Variants in CHN2 observed in about 807,000 individuals in gnomAD.
CHN2 encodes the protein beta-chimaerin.
A neutral mutation model predicts 56.3 loss-of-function variants in CHN2; 35 were observed. That is an observed-to-expected ratio of 0.62 (90% CI 0.47 to 0.82). The LOEUF is 0.82. Ranked by LOEUF, CHN2 falls within the 40% of genes least tolerant of loss-of-function variation. The pLI, the probability that CHN2 is intolerant of heterozygous loss-of-function variation, is 0.00. For synonymous variants in CHN2, 210 were observed against 212.8 expected, an observed-to-expected ratio of 0.99 and a Z score of 0.12; for missense variants, 491 against 580.5, an observed-to-expected ratio of 0.85 and a Z score of 1.58.
chr7:29,493,964 G>C (rs1018934529), intron 7 of CHN2, among the ~76,000 whole-genome samples: 2 of 152,202 alleles, frequency 1.3e-5, no homozygotes, highest in African/African-American at 4.8e-5. Flanking sequence ...TTAAGGCCCT[G>C]TGTAACTTTT....
chr7:29,294,632 C>G (rs1365701728), intron 1 of CHN2, among the ~76,000 whole-genome samples: 1 of 152,170 alleles, frequency 6.6e-6, no homozygotes, highest in East Asian at 1.9e-4. Context: ...AAGTGTAGAC[C>G]TGAGAGACTC....
intron 6 of CHN2, among the ~76,000 whole-genome samples, chr7:29,434,001 T>C (rs1354690211): frequency 6.6e-6 from 1 of 152,100 alleles, no homozygotes; most frequent in Non-Finnish European, 1.5e-5. Flanking sequence ...ACCGGTAGTG[T>C]GTCCTGGATG....
chr7:29,417,667 A>G (rs1468325202), intron 6 of CHN2, among the ~76,000 whole-genome samples: 1 of 152,198 alleles, frequency 6.6e-6, no homozygotes, highest in Non-Finnish European at 1.5e-5. Context: ...ATGTGGTTCA[A>G]ACTAATATCT....
At chr7:29,393,741 A>T (rs1457789233) in intron 4 of CHN2, 31 bp downstream of exon 4, 4 of 720,046 alleles carry the variant, frequency 5.6e-6, no homozygotes, top group Non-Finnish European at 8.3e-6. Context: ...TGTTTTAATA[A>T]TTTAATAAGT....
chr7:29,510,451 A>G (rs185614119), intron 12 of CHN2, among the ~76,000 whole-genome samples: 60 of 152,252 alleles, frequency 3.9e-4, no homozygotes, highest in Non-Finnish European at 7.6e-4. Flanking sequence ...GAACAAAAAA[A>G]TTCACTCCTG....
intron 6 of CHN2, among the ~76,000 whole-genome samples, chr7:29,426,332 C>T (rs975624106): frequency 7.8e-6 from 1 of 128,616 alleles, no homozygotes; most frequent in Non-Finnish European, 1.7e-5. Flanking sequence ...TAATAATAAA[C>T]AATTATGGAC....
chr7:29,421,624 A>C (rs1193904069), intron 6 of CHN2, among the ~76,000 whole-genome samples: 1 of 152,246 alleles, frequency 6.6e-6, no homozygotes, highest in African/African-American at 2.4e-5. Flanking sequence ...TGGCAGGAAC[A>C]TTCTAGCTCA....
chr7:29,272,913 A>G (rs964680720), intron 1 of CHN2, among the ~76,000 whole-genome samples: 2 of 152,196 alleles, frequency 1.3e-5, no homozygotes, highest in Non-Finnish European at 2.9e-5. Context: ...ACAGAATTAC[A>G]TTTCTTGTGT....
At chr7:29,206,998 C>A (rs245926) in intron 1 of CHN2, among the ~76,000 whole-genome samples, 1 of 151,956 alleles carries the variant, frequency 6.6e-6, no homozygotes. Context: ...TTTGTGGTAA[C>A]GAAATTGTTC....
intron 8 of CHN2, among the ~76,000 whole-genome samples, chr7:29,496,345 A>T (rs1409865494): frequency 6.6e-6 from 1 of 152,162 alleles, no homozygotes; most frequent in Admixed American, 6.5e-5. Flanking sequence ...ATGGAACTGC[A>T]TAGCTAGAAA....
At chr7:29,445,977 G>A (rs1189551064) in intron 6 of CHN2, among the ~76,000 whole-genome samples, 2 of 151,826 alleles carry the variant, frequency 1.3e-5, no homozygotes, top group East Asian at 3.9e-4. Context: ...CTCTTGAAAG[G>A]CGAACATCTA....
exon 2 of CHN2, chr7:29,146,946 C>G: frequency 1.9e-6 from 3 of 1,551,104 alleles, no homozygotes; most frequent in Non-Finnish European, 2.6e-6. Context: ...GGTCTACATT[C>G]CAGCTGCACT....
chr7:29,469,339 C>T (rs1408649163), intron 6 of CHN2, among the ~76,000 whole-genome samples: 1 of 152,242 alleles, frequency 6.6e-6, no homozygotes, highest in Non-Finnish European at 1.5e-5. Flanking sequence ...CAGTCATCAA[C>T]ACAGCAGGCA....
chr7:29,234,951 G>A (rs1167747727), intron 1 of CHN2, among the ~76,000 whole-genome samples: 2 of 152,146 alleles, frequency 1.3e-5, no homozygotes, highest in Non-Finnish European at 2.9e-5. Flanking sequence ...GCATAGGAGG[G>A]GGTATGCTGT....
intron 1 of CHN2, among the ~76,000 whole-genome samples, chr7:29,235,125 A>G (rs923535643): frequency 6.6e-6 from 1 of 152,118 alleles, no homozygotes; most frequent in East Asian, 1.9e-4. Context: ...TAAAAAGCAA[A>G]TACCCATGCA....
At chr7:29,206,370 T>G (rs1286883613) in intron 1 of CHN2, among the ~76,000 whole-genome samples, 1 of 152,118 alleles carries the variant, frequency 6.6e-6, no homozygotes, top group Non-Finnish European at 1.5e-5. Flanking sequence ...CACCCTGCGC[T>G]TCCTGGGTTC....
intron 1 of CHN2, among the ~76,000 whole-genome samples, chr7:29,239,414 G>C (rs1787472946): frequency 6.6e-6 from 1 of 152,200 alleles, no homozygotes; most frequent in Admixed American, 6.5e-5. Context: ...TGTTCAGTTT[G>C]ATATGCCCAT....
intron 2 of CHN2, among the ~76,000 whole-genome samples, chr7:29,172,215 A>G (rs1044855523): frequency 4.6e-5 from 7 of 152,146 alleles, no homozygotes; most frequent in Non-Finnish European, 8.8e-5. Flanking sequence ...AAATCATTAA[A>G]ACAGCACCAC....
intron 6 of CHN2, among the ~76,000 whole-genome samples, chr7:29,421,851 A>G (rs184152362): frequency 1.1e-4 from 17 of 152,264 alleles, no homozygotes; most frequent in Admixed American, 6.5e-4. Context: ...CGGCCCATAT[A>G]TATTGTGATT....
Sources: gnomAD v4.1 joint callset for allele counts (sites outside exome capture counted in the v4.1 genomes callset) on GRCh38, gnomAD v4.1.1 for gene constraint, MANE v1.5 for transcripts, NCBI Gene and HGNC (gene_info 2026-07-23, HGNC 2026-07-21) for gene names.